GRAMD1B: variants seen among roughly 807,000 people sequenced by gnomAD.
GRAMD1B encodes the protein GRAM domain containing 1B.
A neutral mutation model predicts 99.7 loss-of-function variants in GRAMD1B; 37 were observed. The ratio of observed to expected loss-of-function variants is 0.37; its 90% confidence interval spans 0.29 to 0.49. The LOEUF is 0.49. Among genes scored for constraint, GRAMD1B ranks in the 20% least tolerant of loss-of-function variants. The probability of loss-of-function intolerance (pLI) is 0.98; values close to 1 mark genes in which losing one functional copy is unlikely to be tolerated. For missense variants in GRAMD1B, 888 were observed against 1,009.2 expected (o/e 0.88, Z 1.63); for synonymous variants, 427 against 387.6 (o/e 1.10, Z -1.19).
At chr11:123,565,782 A>G (rs912568602) in intron 2 of GRAMD1B, among the ~76,000 whole-genome samples, 3 of 152,212 alleles carry the variant, frequency 2.0e-5, no homozygotes, top group African/African-American at 7.2e-5. Context: ...ATTGTAGATC[A>G]GCTCAGCCAA....
At chr11:123,434,535 TC>T (rs1416517160) in intron 1 of GRAMD1B, among the ~76,000 whole-genome samples, 3 of 152,190 alleles carry the variant, frequency 2.0e-5, no homozygotes, top group African/African-American at 7.2e-5. Flanking sequence ...ATGCCTGTAA[TC>T]CCAGCACTTT....
chr11:123,430,123 T>A (rs1948796462), upstream of GRAMD1B, among the ~76,000 whole-genome samples: 1 of 151,822 alleles, frequency 6.6e-6, no homozygotes, highest in African/African-American at 2.4e-5. Flanking sequence ...GGAGGTCGAG[T>A]CCCTCCCCGA....
chr11:123,609,772 C>G, intron 12 of GRAMD1B, 23 bp from the exon 13 acceptor site: 1 of 1,349,262 alleles, frequency 7.4e-7, no homozygotes, highest in African/African-American at 1.4e-5. Flanking sequence ...CTTCCTCATT[C>G]CAGGGCTCTC....
At chr11:123,536,068 G>C (rs958741001) in intron 2 of GRAMD1B, among the ~76,000 whole-genome samples, 3 of 152,166 alleles carry the variant, frequency 2.0e-5, no homozygotes, top group Non-Finnish European at 4.4e-5. Context: ...CTCACTACTG[G>C]TGTGACTATG....
At chr11:123,426,047 T>C (rs761049424), upstream of GRAMD1B, among the ~76,000 whole-genome samples, 12 of 152,216 alleles carry the variant, frequency 7.9e-5, no homozygotes, top group Admixed American at 3.3e-4. Flanking sequence ...TTAAAGCTAT[T>C]TGTGGGTCTC....
chr11:123,444,648 G>A (rs1949556936), intron 1 of GRAMD1B, among the ~76,000 whole-genome samples: 1 of 151,972 alleles, frequency 6.6e-6, no homozygotes, highest in African/African-American at 2.4e-5. Context: ...CAGTCAGCTG[G>A]GGGTTTTAGA....
intron 1 of GRAMD1B, chr11:123,432,168 C>T (rs1948924412): frequency 2.5e-6 from 1 of 397,574 alleles, no homozygotes; most frequent in Non-Finnish European, 4.4e-6. Flanking sequence ...AGTCTAGTAA[C>T]AGCTAATAGT....
intron 2 of GRAMD1B, among the ~76,000 whole-genome samples, chr11:123,544,388 A>G (rs1160032570): frequency 6.6e-6 from 1 of 152,168 alleles, no homozygotes; most frequent in South Asian, 2.1e-4. Flanking sequence ...CAAACCCCTG[A>G]CCACCTTTCC....
At chr11:123,475,626 C>A (rs1187764209) in intron 1 of GRAMD1B, among the ~76,000 whole-genome samples, 1 of 152,208 alleles carries the variant, frequency 6.6e-6, no homozygotes, top group Non-Finnish European at 1.5e-5. Flanking sequence ...ATCTTTCAGT[C>A]ATCCGGTGCC....
Position 123,610,155 on chromosome 11 carries a change from C to G in GRAMD1B, c.1777-41C>G. 2 of 1,608,820 alleles carry G rather than the reference C, an allele frequency of 1.2e-6. No homozygotes were observed. Among genetic ancestry groups the G allele is most frequent in the Non-Finnish European group, 8.5e-7 (1 of 1,175,864 alleles). ...AGAAGGTGCTTTTCCAAGCTTCTTG[C>G]TCCTCTTCAGTTTTGTCCAATGGAC... On this transcript the variant is annotated intron_variant, in intron 13 of 19. Coordinates refer to ENST00000635736, the MANE Select transcript of GRAMD1B (RefSeq NM_001387025.1). This position sits in a 1 kb window ranked among gnomAD's most constrained non-coding sequence, Gnocchi z 4.1.
intron 2 of GRAMD1B, among the ~76,000 whole-genome samples, chr11:123,534,001 C>T (rs1448136426): frequency 6.6e-6 from 1 of 152,210 alleles, no homozygotes; most frequent in African/African-American, 2.4e-5. Context: ...ATGAAGACAG[C>T]ATTTAATGGT....
At chr11:123,388,886 G>T (rs972207253) in intron 1 of GRAMD1B, among the ~76,000 whole-genome samples, 1 of 152,158 alleles carries the variant, frequency 6.6e-6, no homozygotes, top group Admixed American at 6.5e-5. Context: ...ATGTTTAAAA[G>T]CTATCCAGGT....
intron 2 of GRAMD1B, chr11:123,526,168 C>G: frequency 6.2e-7 from 1 of 1,612,454 alleles, no homozygotes; most frequent in Non-Finnish European, 8.5e-7. Flanking sequence ...TTCAAGCTCT[C>G]CTGGTAAGTA....
chr11:123,505,408 C>T (rs1011567815), intron 2 of GRAMD1B, among the ~76,000 whole-genome samples: 9 of 152,166 alleles, frequency 5.9e-5, no homozygotes, highest in African/African-American at 2.2e-4. Context: ...ATCATCAATT[C>T]TGTGGGGGAC....
At chr11:123,449,795 A>G (rs1949806300) in intron 1 of GRAMD1B, among the ~76,000 whole-genome samples, 3 of 149,468 alleles carry the variant, frequency 2.0e-5, no homozygotes, top group Non-Finnish European at 4.4e-5. Flanking sequence ...ATCATGGCTC[A>G]CTGAAGCCTC....
intron 2 of GRAMD1B, among the ~76,000 whole-genome samples, chr11:123,574,687 G>A (rs1208103588): frequency 6.6e-6 from 1 of 152,196 alleles, no homozygotes; most frequent in African/African-American, 2.4e-5. Context: ...GTCCAGCTCT[G>A]TGTTCAGTGT....
chr11:123,371,749 C>T (rs964926170), intron 1 of GRAMD1B, among the ~76,000 whole-genome samples: 5 of 152,220 alleles, frequency 3.3e-5, no homozygotes, highest in Non-Finnish European at 5.9e-5. Flanking sequence ...AGCACCAGCA[C>T]GTGAGAGCCC....
At chr11:123,483,805 T>C (rs1951742201) in intron 2 of GRAMD1B, among the ~76,000 whole-genome samples, 1 of 152,168 alleles carries the variant, frequency 6.6e-6, no homozygotes, top group African/African-American at 2.4e-5. Context: ...AAAAGGGATT[T>C]CGTTCTGGTT....
At chr11:123,401,784 C>G (rs1053058341) in intron 1 of GRAMD1B, among the ~76,000 whole-genome samples, 2 of 152,030 alleles carry the variant, frequency 1.3e-5, no homozygotes, top group African/African-American at 2.4e-5. Flanking sequence ...TGGCATGTGC[C>G]GGCAGTCCCA....
Sources: allele counts gnomAD v4.1 joint callset (sites outside exome capture counted in the v4.1 genomes callset), GRCh38; gene constraint gnomAD v4.1.1; non-coding constraint Gnocchi (gnomAD v3.1); transcripts MANE v1.5; gene names NCBI Gene and HGNC (gene_info 2026-07-23, HGNC 2026-07-21).